PDZD8: variants seen among roughly 807,000 people sequenced by gnomAD.
The protein encoded by PDZD8 is PDZ domain containing 8.
A neutral mutation model predicts 85.8 loss-of-function variants in PDZD8; 14 were observed. That is an observed-to-expected ratio of 0.16 (90% CI 0.11 to 0.26). PDZD8 has a LOEUF of 0.26. Ranked by LOEUF, PDZD8 falls within the 10% of genes least tolerant of loss-of-function variation. The pLI is 1.00. For synonymous variants in PDZD8, 592 were observed against 568.6 expected, an observed-to-expected ratio of 1.04 and a Z score of -0.59; for missense variants, 1,197 against 1,424.3, an observed-to-expected ratio of 0.84 and a Z score of 2.57.
intron 1 of PDZD8, among the ~76,000 whole-genome samples, chr10:117,353,456 C>A (rs1427816878): frequency 6.6e-6 from 1 of 152,116 alleles, no homozygotes; most frequent in Admixed American, 6.5e-5. Flanking sequence ...ATCAACGAAT[C>A]TCTCTCTGTT....
chr10:117,346,443 T>A (rs888564746), intron 1 of PDZD8, among the ~76,000 whole-genome samples: 2 of 151,950 alleles, frequency 1.3e-5, no homozygotes, highest in Non-Finnish European at 2.9e-5. Context: ...TGATGGCAAA[T>A]GGGGGTCGGA....
At chr10:117,326,082 T>C (rs1355782650) in intron 2 of PDZD8, among the ~76,000 whole-genome samples, 1 of 152,154 alleles carries the variant, frequency 6.6e-6, no homozygotes, top group Non-Finnish European at 1.5e-5. Flanking sequence ...TGATTCTAAG[T>C]GTCCTGAGGC....
At chr10:117,371,006 T>A (rs1845180480) in intron 1 of PDZD8, among the ~76,000 whole-genome samples, 1 of 151,838 alleles carries the variant, frequency 6.6e-6, no homozygotes, top group Non-Finnish European at 1.5e-5. Context: ...GAAAGCTGTG[T>A]GACTTTAAGC....
chr10:117,364,470 GAC>G (rs1377704965), intron 1 of PDZD8, among the ~76,000 whole-genome samples: 1 of 142,222 alleles, frequency 7.0e-6, no homozygotes, highest in Admixed American at 7.1e-5. Flanking sequence ...CACACAGACA[GAC>G]ACACACGCAC....
rs1845259853 is a variant in PDZD8, at chr10:117,374,666, C to A, written c.562G>T (p.Glu188Ter). 6.3e-7 allele frequency: 1 copy of A among 1,586,996 alleles called. No homozygotes were observed. Among genetic ancestry groups the A allele is most frequent in the African/African-American group, 1.3e-5 (1 of 74,480 alleles). ...EGEALPAACP[E>*]ELAFEAEVEY... is the part of the protein sequence containing the mutation. Reference sequence around the variant, plus strand: ...ACCTCCGCCTCGAAGGCCAGCTCCTCGGGGCAGGCGGCGGGCAGCGCCTCC... The same window carrying A: ...ACCTCCGCCTCGAAGGCCAGCTCCTAGGGGCAGGCGGCGGGCAGCGCCTCC... Residue 188 changes from glutamate (E) to a stop codon, truncating the protein, a stop_gained, in exon 1 of 5, where the codon GAG becomes TAG. Transcript: ENST00000334464. LOFTEE classifies it high-confidence loss of function. This position sits in a 1 kb window ranked among gnomAD's most constrained non-coding sequence, Gnocchi z 7.8.
At chr10:117,292,839 C>A (rs571267422) in intron 3 of PDZD8, among the ~76,000 whole-genome samples, 1 of 151,182 alleles carries the variant, frequency 6.6e-6, no homozygotes, top group South Asian at 2.1e-4. Context: ...CTCACTTTCT[C>A]CCCAATTTTT....
intron 1 of PDZD8, among the ~76,000 whole-genome samples, chr10:117,344,432 G>A (rs1589580801): frequency 1.3e-5 from 2 of 152,270 alleles, no homozygotes; most frequent in Admixed American, 1.3e-4. Context: ...TTGTCGCCCA[G>A]GCTGGAGTGC....
chr10:117,350,029 T>C (rs1317723411), intron 1 of PDZD8, among the ~76,000 whole-genome samples: 1 of 152,132 alleles, frequency 6.6e-6, no homozygotes, highest in Non-Finnish European at 1.5e-5. Context: ...ACCACTATTA[T>C]TAGTATAGCT....
At chr10:117,370,563 C>T (rs925967780) in intron 1 of PDZD8, among the ~76,000 whole-genome samples, 6 of 152,244 alleles carry the variant, frequency 3.9e-5, no homozygotes, top group East Asian at 1.9e-4. Context: ...TAAACTAGGC[C>T]GGGCACAGCG....
intron 2 of PDZD8, among the ~76,000 whole-genome samples, chr10:117,333,143 A>AAAAAG (rs1844458934): frequency 6.7e-6 from 1 of 148,886 alleles, no homozygotes; most frequent in African/African-American, 2.5e-5. Context: ...AAAAAAAAAA[A>AAAAAG]GGGGATATGG....
chr10:117,297,690 T>C (rs1489194760), intron 3 of PDZD8, among the ~76,000 whole-genome samples: 2 of 152,136 alleles, frequency 1.3e-5, no homozygotes, highest in African/African-American at 4.8e-5. Flanking sequence ...ATTTTCAATT[T>C]ACAACAATGG....
At chr10:117,368,530 T>C (rs566858952) in intron 1 of PDZD8, among the ~76,000 whole-genome samples, 1 of 152,318 alleles carries the variant, frequency 6.6e-6, no homozygotes, top group Admixed American at 6.5e-5. Flanking sequence ...AAATACAACA[T>C]ATTACACTTG....
intron 1 of PDZD8, among the ~76,000 whole-genome samples, chr10:117,350,210 C>G (rs1330721769): frequency 1.3e-5 from 2 of 151,326 alleles, no homozygotes; most frequent in African/African-American, 4.8e-5. Context: ...AGTGGTAGAA[C>G]CAAAATAAGA....
intron 4 of PDZD8, among the ~76,000 whole-genome samples, chr10:117,286,126 C>T (rs1844659519): frequency 6.6e-6 from 1 of 152,130 alleles, no homozygotes; most frequent in Admixed American, 6.5e-5. Flanking sequence ...GTAATATCTA[C>T]GTTGTTTTTA....
rs2133904719 is a variant in PDZD8, at chr10:117,375,383, G to A, written c.-156C>T. 4.9e-6 allele frequency: 2 copies of A among 411,066 alleles called. No homozygotes were observed. The highest frequency in any genetic ancestry group is 8.0e-6 in the Non-Finnish European group (2 of 250,790). The allele number at this position is 411,066 out of a possible 1,614,324, so 25.5% of individuals were successfully genotyped here. A position where few individuals can be genotyped will look rare whatever the true frequency, so the allele number is the denominator to read the frequency against. On this transcript the variant is annotated 5_prime_UTR_variant, in exon 1 of 5. Transcript: ENST00000334464. Reference sequence around the variant, plus strand: ...GTCCAGGGGCTCGGGCCGGCGCGCTGCGGCGCCCGAGCCCGCAGCGGCCCG... The same window carrying A: ...GTCCAGGGGCTCGGGCCGGCGCGCTACGGCGCCCGAGCCCGCAGCGGCCCG...
intron 1 of PDZD8, among the ~76,000 whole-genome samples, chr10:117,368,145 C>T (rs1256655448): frequency 1.3e-5 from 2 of 152,156 alleles, no homozygotes; most frequent in Non-Finnish European, 2.9e-5. Flanking sequence ...GTTTACTATA[C>T]CCACCGCAAC....
intron 2 of PDZD8, among the ~76,000 whole-genome samples, chr10:117,336,627 T>G (rs1407634223): frequency 6.7e-6 from 1 of 149,620 alleles, no homozygotes; most frequent in Non-Finnish European, 1.5e-5. Flanking sequence ...CAGAAAGTAA[T>G]GAAGTCTAAA....
At position 117,283,823 on chromosome 10, in the gene PDZD8, G is replaced by C. The variant is rs374654101; in HGVS notation, c.2910C>G (p.His970Gln). 1.1e-5 allele frequency: 18 copies of C among 1,614,086 alleles called. No individual in the cohort carries two copies. In the African/African-American group the frequency reaches 1.9e-4, roughly 17 times the overall value. ...GTDLVEPSPK[H>Q]TPNTSDNEGS... ...CTTCGTTGTCTGACGTGTTGGGTGT[G>C]TGTTTTGGTGAAGGTTCTACGAGAT... Residue 970 changes from histidine to glutamine, a missense_variant, in exon 5 of 5, where the codon CAC (histidine) becomes CAG (glutamine). This residue lies in a region of PDZD8 where 418 missense variants were observed against 571.1 expected (regional missense o/e 0.73). Coordinates refer to ENST00000334464, the MANE Select transcript of PDZD8 (RefSeq NM_173791.5).
At chr10:117,346,726 C>T (rs1844715028) in intron 1 of PDZD8, among the ~76,000 whole-genome samples, 1 of 152,004 alleles carries the variant, frequency 6.6e-6, no homozygotes, top group Non-Finnish European at 1.5e-5. Context: ...TCCTTGTCTC[C>T]TGCCCTCTTT....
Sources: gnomAD v4.1 joint callset for allele counts (sites outside exome capture counted in the v4.1 genomes callset) on GRCh38, gnomAD v4.1.1 for gene constraint, gnomAD v4.1.1 regional missense constraint, Gnocchi (gnomAD v3.1) non-coding constraint, MANE v1.5 for transcripts, NCBI Gene and HGNC (gene_info 2026-07-23, HGNC 2026-07-21) for gene names.